CDH4: variants seen among roughly 807,000 people sequenced by gnomAD.
The protein encoded by CDH4 is cadherin-4.
In CDH4, 33 loss-of-function variants were observed where a neutral mutation model predicts 86.0. That is an observed-to-expected ratio of 0.38 (90% CI 0.29 to 0.51). The LOEUF (loss-of-function observed/expected upper bound fraction) is 0.51. CDH4 is among the 20% of genes least tolerant of loss of function. The probability of loss-of-function intolerance (pLI) is 0.86; values close to 1 mark genes in which losing one functional copy is unlikely to be tolerated. For missense variants in CDH4, 1,114 were observed against 1,307.4 expected (o/e 0.85, Z 2.28); for synonymous variants, 555 against 549.4 (o/e 1.01, Z -0.14).
At chr20:61,273,197 C>T (rs1305093301) in intron 2 of CDH4, among the ~76,000 whole-genome samples, 2 of 111,662 alleles carry the variant, frequency 1.8e-5, no homozygotes, top group South Asian at 3.0e-4. Flanking sequence ...TGGGGGAGCA[C>T]CATGCGCAGT....
intron 2 of CDH4, among the ~76,000 whole-genome samples, chr20:61,670,650 C>T (rs926123062): frequency 2.0e-5 from 3 of 152,116 alleles, no homozygotes; most frequent in Non-Finnish European, 2.9e-5. Context: ...ATGGGGAGTG[C>T]GAGGCTGATG....
intron 2 of CDH4, among the ~76,000 whole-genome samples, chr20:61,384,679 G>A (rs191230733): frequency 6.6e-6 from 1 of 152,250 alleles, no homozygotes; most frequent in Non-Finnish European, 1.5e-5. Context: ...CATCAGCAAT[G>A]TCAGCTCAGC....
chr20:61,395,432 CATT>C (rs2085011390), intron 2 of CDH4, among the ~76,000 whole-genome samples: 1 of 152,066 alleles, frequency 6.6e-6, no homozygotes, highest in South Asian at 2.1e-4. Context: ...ACGTACATGG[CATT>C]ATTAATAACG....
At chr20:61,721,819 G>A (rs951641364) in intron 2 of CDH4, among the ~76,000 whole-genome samples, 1 of 152,204 alleles carries the variant, frequency 6.6e-6, no homozygotes, top group African/African-American at 2.4e-5. Flanking sequence ...AATCATCAGA[G>A]TGGATATTGG....
intron 2 of CDH4, among the ~76,000 whole-genome samples, chr20:61,572,866 T>TGGATGGATGGATGGATGGATGGAC (rs1221730212): frequency 1.3e-5 from 2 of 150,482 alleles, no homozygotes; most frequent in African/African-American, 4.9e-5. Context: ...GATGGATGGA[T>TGGATGGATGGATGGATGGATGGAC]GGACAGACAG....
At chr20:61,312,653 T>C (rs1249066658) in intron 2 of CDH4, among the ~76,000 whole-genome samples, 1 of 152,186 alleles carries the variant, frequency 6.6e-6, no homozygotes, top group Non-Finnish European at 1.5e-5. Context: ...ACTGTGGTCA[T>C]CTCTGATGGC....
intron 2 of CDH4, among the ~76,000 whole-genome samples, chr20:61,729,701 C>T (rs1199850801): frequency 6.6e-6 from 1 of 152,216 alleles, no homozygotes; most frequent in East Asian, 1.9e-4. Flanking sequence ...GTGTAAGGCA[C>T]ACACTTGTTG....
At chr20:61,653,961 G>A (rs1271423764) in intron 2 of CDH4, among the ~76,000 whole-genome samples, 1 of 151,124 alleles carries the variant, frequency 6.6e-6, no homozygotes, top group African/African-American at 2.4e-5. Context: ...AGGCAGAGGG[G>A]CTCCTCACAT....
intron 2 of CDH4, among the ~76,000 whole-genome samples, chr20:61,711,065 G>C (rs1055825648): frequency 1.3e-5 from 2 of 152,210 alleles, no homozygotes; most frequent in African/African-American, 4.8e-5. Flanking sequence ...TCCAGAGAGA[G>C]ACCAGGTGGA....
At chr20:61,627,029 A>G (rs1600818474) in intron 2 of CDH4, among the ~76,000 whole-genome samples, 1 of 152,150 alleles carries the variant, frequency 6.6e-6, no homozygotes, top group South Asian at 2.1e-4. Context: ...ACTGAACCAG[A>G]CAAGCTTTAG....
At chr20:61,560,515 C>A (rs2086208762) in intron 2 of CDH4, among the ~76,000 whole-genome samples, 1 of 152,232 alleles carries the variant, frequency 6.6e-6, no homozygotes, top group South Asian at 2.1e-4. Flanking sequence ...TTTTTAGGAG[C>A]CACAGCTCAG....
At chr20:61,638,114 C>G (rs962642084) in intron 2 of CDH4, among the ~76,000 whole-genome samples, 2 of 151,682 alleles carry the variant, frequency 1.3e-5, no homozygotes, top group African/African-American at 4.8e-5. Context: ...GAAAGACAGC[C>G]AAAAATCTGA....
intron 2 of CDH4, among the ~76,000 whole-genome samples, chr20:61,397,718 G>C (rs532950214): frequency 6.6e-6 from 1 of 152,132 alleles, no homozygotes; most frequent in Non-Finnish European, 1.5e-5. Context: ...TCCTGAGCAG[G>C]GTCCCCTGTC....
At chr20:61,376,880 C>A (rs954429914) in intron 2 of CDH4, among the ~76,000 whole-genome samples, 1 of 152,234 alleles carries the variant, frequency 6.6e-6, no homozygotes, top group East Asian at 1.9e-4. Context: ...TAGCACTTCC[C>A]TGTGGCAAAT....
At chr20:61,664,387 G>GAAACCCA (rs2087298819) in intron 2 of CDH4, among the ~76,000 whole-genome samples, 1 of 152,192 alleles carries the variant, frequency 6.6e-6, no homozygotes, top group Non-Finnish European at 1.5e-5. Context: ...GAGTGGGGTG[G>GAAACCCA]GGGCAGAAAC....
intron 14 of CDH4, among the ~76,000 whole-genome samples, chr20:61,933,454 C>T (rs1424648411): frequency 6.6e-6 from 1 of 152,208 alleles, no homozygotes; most frequent in East Asian, 1.9e-4. Context: ...CTGCTGTGTG[C>T]AGAGGGCTGT....
At position 61,919,028 on chromosome 20, in the gene CDH4, G is replaced by A. The variant is rs982555749; in HGVS notation, c.1375-4423G>A. Among the ~76,000 whole-genome samples, 7 of 152,084 alleles carry A rather than the reference G, an allele frequency of 4.6e-5. No individual in the cohort carries two copies. The East Asian group carries it at 9.7e-4, about 21-fold the overall frequency. On this transcript the variant is annotated intron_variant, in intron 9 of 15. Coordinates refer to ENST00000614565, the MANE Select transcript of CDH4 (RefSeq NM_001794.5). ...TGGGACTACAGGTGTGTGCTACCAC[G>A]CTCAACTAATTTCTTTTTGTTTTGT...
chr20:61,671,227 C>T (rs1429564018), intron 2 of CDH4, among the ~76,000 whole-genome samples: 2 of 151,954 alleles, frequency 1.3e-5, no homozygotes, highest in Non-Finnish European at 2.9e-5. Context: ...TGCAGTGGCT[C>T]ATGCTTGTAA....
intron 8 of CDH4, among the ~76,000 whole-genome samples, chr20:61,904,541 G>C (rs552067223): frequency 3.2e-4 from 48 of 152,280 alleles, no homozygotes; most frequent in Non-Finnish European, 6.0e-4. Context: ...GGCAGGCACA[G>C]AAATCCACCC....
Sources: gnomAD v4.1 joint callset for allele counts (sites outside exome capture counted in the v4.1 genomes callset) on GRCh38, gnomAD v4.1.1 for gene constraint, MANE v1.5 for transcripts, NCBI Gene and HGNC (gene_info 2026-07-23, HGNC 2026-07-21) for gene names.